Variants in CAMK4 observed in about 807,000 individuals in gnomAD.
The protein encoded by CAMK4 is calcium/calmodulin dependent protein kinase IV.
CAMK4 carries 22 observed loss-of-function variants against 44.9 expected under a neutral mutation model. The ratio of observed to expected loss-of-function variants is 0.49; its 90% CI spans 0.35 to 0.70. The LOEUF is 0.70. Ranked by LOEUF, CAMK4 falls within the 30% of genes least tolerant of loss-of-function variation. The pLI, the probability that CAMK4 is intolerant of heterozygous loss-of-function variation, is 0.01. For missense variants in CAMK4, 498 were observed against 586.8 expected (o/e 0.85, Z 1.56); for synonymous variants, 218 against 215.4 (o/e 1.01, Z -0.11).
At position 111,341,543 on chromosome 5, in the gene CAMK4, T is replaced by C. The variant is rs1283046880; in HGVS notation, c.162-2481T>C. Among the ~76,000 whole-genome samples the C allele has an allele frequency of 2.7e-5, 4 of 150,916 alleles. No homozygotes were observed. The East Asian group carries it at 7.8e-4, about 29-fold the overall frequency. ...TGTAGGACTATTTTTGGATCCTTTT[T>C]TAAAAAAAAGTAAATATAAAAATAA... is the stretch of plus-strand genomic sequence containing the variant. On this transcript the variant is annotated intron_variant, in intron 1 of 10. Transcript: ENST00000282356.
At chr5:111,374,809 G>A (rs764574940) in intron 2 of CAMK4, 41 bp from the exon 3 acceptor site, 9 of 1,211,850 alleles carry the variant, frequency 7.4e-6, no homozygotes, top group Non-Finnish European at 9.8e-6. Context: ...CAATGAAGGG[G>A]GGAGTTTCTT....
intron 5 of CAMK4, among the ~76,000 whole-genome samples, chr5:111,444,024 C>T (rs1334808952): frequency 1.3e-5 from 2 of 152,198 alleles, no homozygotes; most frequent in Admixed American, 6.5e-5. Context: ...TCTCTCATTT[C>T]TCTTCCTACC....
chr5:111,330,123 T>C (rs1169262668), intron 1 of CAMK4, among the ~76,000 whole-genome samples: 1 of 143,020 alleles, frequency 7.0e-6, no homozygotes, highest in Non-Finnish European at 1.5e-5. Flanking sequence ...AATAAAAAAC[T>C]CTAGAAGACT....
At chr5:111,235,522 T>A (rs1748674628) in intron 1 of CAMK4, among the ~76,000 whole-genome samples, 1 of 152,174 alleles carries the variant, frequency 6.6e-6, no homozygotes, top group South Asian at 2.1e-4. Context: ...CTAATAACAA[T>A]GTTCAATGAG....
At chr5:111,409,263 C>G (rs1253615433) in intron 5 of CAMK4, among the ~76,000 whole-genome samples, 1 of 152,246 alleles carries the variant, frequency 6.6e-6, no homozygotes, top group Non-Finnish European at 1.5e-5. Flanking sequence ...AGGTTCCCAA[C>G]CTCAGTTCTT....
intron 1 of CAMK4, among the ~76,000 whole-genome samples, chr5:111,245,508 G>T (rs1749194280): frequency 1.3e-5 from 2 of 152,000 alleles, no homozygotes; most frequent in Admixed American, 6.6e-5. Context: ...TCCTTTCTTG[G>T]TCTACTTTCT....
intron 7 of CAMK4, among the ~76,000 whole-genome samples, chr5:111,450,698 G>A (rs186993113): frequency 1.3e-5 from 2 of 149,902 alleles, no homozygotes; most frequent in Admixed American, 1.3e-4. Flanking sequence ...TGAGGCAGTA[G>A]AATCCCTTGC....
chr5:111,422,106 A>T (rs1351800955), intron 5 of CAMK4, among the ~76,000 whole-genome samples: 6 of 152,202 alleles, frequency 3.9e-5, no homozygotes, highest in Non-Finnish European at 7.3e-5. Flanking sequence ...ACTAATACAG[A>T]CATCTTAAAA....
intron 5 of CAMK4, among the ~76,000 whole-genome samples, chr5:111,434,269 G>C (rs1483802558): frequency 7.1e-6 from 1 of 141,636 alleles, no homozygotes; most frequent in African/African-American, 2.7e-5. Context: ...CTGTAGCCTG[G>C]CTACATAACG....
chr5:111,359,713 T>G (rs1359690887), intron 2 of CAMK4, among the ~76,000 whole-genome samples: 7 of 152,110 alleles, frequency 4.6e-5, no homozygotes, highest in Non-Finnish European at 1.0e-4. Flanking sequence ...TTTATAGTTT[T>G]GGGTTTTACA....
intron 7 of CAMK4, among the ~76,000 whole-genome samples, chr5:111,454,884 G>A (rs145677108): frequency 0.012 from 1,804 of 151,982 alleles, 42 homozygotes; most frequent in African/African-American, 0.041. Flanking sequence ...TATCTAATAC[G>A]AATTATCTAA....
intron 4 of CAMK4, among the ~76,000 whole-genome samples, chr5:111,391,907 T>G (rs1043401299): frequency 3.3e-5 from 5 of 152,194 alleles, no homozygotes; most frequent in Non-Finnish European, 7.3e-5. Context: ...CATCAGATTT[T>G]TTGAAAATCA....
chr5:111,416,235 C>T (rs1752809392), intron 5 of CAMK4, among the ~76,000 whole-genome samples: 1 of 151,934 alleles, frequency 6.6e-6, no homozygotes, highest in Non-Finnish European at 1.5e-5. Flanking sequence ...TGAACAAACT[C>T]CCATATACAT....
chr5:111,432,139 G>A (rs930551304), intron 5 of CAMK4, among the ~76,000 whole-genome samples: 1 of 152,118 alleles, frequency 6.6e-6, no homozygotes, highest in African/African-American at 2.4e-5. Context: ...TAAAGAAAAT[G>A]TGGTACATAT....
At position 111,484,678 on chromosome 5, in the gene CAMK4, A is replaced by C. The variant is rs866670846; in HGVS notation, c.*212A>C. On this transcript the variant is annotated 3_prime_UTR_variant, in exon 11 of 11. Transcript: ENST00000282356. This position sits in a 1 kb window ranked among gnomAD's most constrained non-coding sequence, Gnocchi z 5.3. Reference sequence around the variant, plus strand: ...TTCTATGGCATGTAATGGATACCTAATACCGATGAGTTAAATCTTGCAAGT... The same window carrying C: ...TTCTATGGCATGTAATGGATACCTACTACCGATGAGTTAAATCTTGCAAGT... 2 of 384,092 alleles carry C rather than the reference A, an allele frequency of 5.2e-6. No individual in the cohort carries two copies. Among genetic ancestry groups the C allele is most frequent in the African/African-American group, 4.1e-5 (2 of 48,378 alleles). 23.8% of individuals were successfully genotyped at this position (384,092 alleles called of 1,614,324 possible). A position where few individuals can be genotyped will look rare whatever the true frequency, so the allele number is the denominator to read the frequency against.
At chr5:111,255,526 G>A (rs1749702201) in intron 1 of CAMK4, among the ~76,000 whole-genome samples, 1 of 152,088 alleles carries the variant, frequency 6.6e-6, no homozygotes, top group African/African-American at 2.4e-5. Context: ...GTCAGAGTTT[G>A]TGTAAATTCA....
At chr5:111,244,820 C>T (rs956526439) in intron 1 of CAMK4, among the ~76,000 whole-genome samples, 1 of 152,112 alleles carries the variant, frequency 6.6e-6, no homozygotes, top group Non-Finnish European at 1.5e-5. Flanking sequence ...GAGATCGCAC[C>T]ACTGCATTCC....
chr5:111,231,244 AC>A (rs993471433), intron 1 of CAMK4, among the ~76,000 whole-genome samples: 3 of 152,324 alleles, frequency 2.0e-5, no homozygotes, highest in Admixed American at 2.0e-4. Flanking sequence ...GTCTGGAGAG[AC>A]AGTGATTCAT....
intron 8 of CAMK4, 62 bp downstream of exon 8, chr5:111,473,448 C>T: frequency 2.0e-6 from 2 of 1,011,334 alleles, no homozygotes; most frequent in South Asian, 1.4e-5. Flanking sequence ...TTTCTAGATA[C>T]CTCTAATGCT....
Sources: gnomAD v4.1 joint callset for allele counts (sites outside exome capture counted in the v4.1 genomes callset) on GRCh38, gnomAD v4.1.1 for gene constraint, Gnocchi (gnomAD v3.1) non-coding constraint, MANE v1.5 for transcripts, NCBI Gene and HGNC (gene_info 2026-07-23, HGNC 2026-07-21) for gene names.